The following ST7 variants were observed in gnomAD, a reference collection of about 807,000 sequenced individuals.
ST7 encodes the protein suppression of tumorigenicity 7.
Under a neutral mutation model 78.7 loss-of-function variants are expected in ST7, and 28 were observed. The ratio of observed to expected loss-of-function variants is 0.36; its 90% CI spans 0.26 to 0.49. The LOEUF (loss-of-function observed/expected upper bound fraction) is 0.49, where lower values mean the gene tolerates loss of function less well. ST7 is among the 20% of genes least tolerant of loss of function. The pLI is 0.99. For synonymous variants in ST7, 247 were observed against 249.6 expected (o/e 0.99, Z 0.10); for missense variants, 418 against 696.0 (o/e 0.60, Z 4.49).
chr7:117,130,352 A>G, intron 4 of ST7, 139 bp from the exon 5 acceptor site: 1 of 505,192 alleles, frequency 2.0e-6, no homozygotes. Context: ...ATGATTTTTA[A>G]AAATTTTTTT....
chr7:117,170,041 C>T (rs1807874286), intron 9 of ST7, among the ~76,000 whole-genome samples: 1 of 152,098 alleles, frequency 6.6e-6, no homozygotes, highest in South Asian at 2.1e-4. Flanking sequence ...TATTTTTCTA[C>T]TTTTTCTCCT....
At chr7:116,966,296 G>A (rs1304863353) in intron 1 of ST7, among the ~76,000 whole-genome samples, 1 of 146,500 alleles carries the variant, frequency 6.8e-6, no homozygotes, top group East Asian at 2.0e-4. Context: ...TGTCACCAGG[G>A]CTGGAGTGCA....
intron 9 of ST7, among the ~76,000 whole-genome samples, chr7:117,138,842 A>G (rs552470045): frequency 4.7e-4 from 72 of 152,344 alleles, no homozygotes; most frequent in South Asian, 3.7e-3. Context: ...AGTGGCTGGC[A>G]TATTTTAAAA....
At chr7:117,211,939 A>G (rs1431847686) in intron 13 of ST7, among the ~76,000 whole-genome samples, 3 of 152,210 alleles carry the variant, frequency 2.0e-5, no homozygotes, top group Non-Finnish European at 4.4e-5. Context: ...TTTCAGGCAT[A>G]ACACAGTATG....
intron 2 of ST7, chr7:117,112,176 A>G (rs915922038): frequency 5.3e-5 from 8 of 152,170 alleles, no homozygotes; most frequent in African/African-American, 1.9e-4. Context: ...GTCAGAATCA[A>G]GAACAGGAAA....
At chr7:116,970,409 C>T (rs975489036) in intron 1 of ST7, among the ~76,000 whole-genome samples, 1 of 152,154 alleles carries the variant, frequency 6.6e-6, no homozygotes, top group Non-Finnish European at 1.5e-5. Context: ...ACATTTATTA[C>T]GTACAGTTCT....
chr7:117,009,980 C>A (rs1795323442), intron 1 of ST7, among the ~76,000 whole-genome samples: 2 of 152,212 alleles, frequency 1.3e-5, no homozygotes, highest in South Asian at 4.2e-4. Context: ...TGTTGTGTAT[C>A]CAGAAAGAGC....
chr7:117,137,687 G>A (rs959577658), intron 8 of ST7, among the ~76,000 whole-genome samples: 2 of 152,008 alleles, frequency 1.3e-5, no homozygotes, highest in African/African-American at 2.4e-5. Flanking sequence ...TCTATAACAG[G>A]TGTGTCATAT....
At chr7:117,050,431 A>T (rs541488138) in intron 1 of ST7, among the ~76,000 whole-genome samples, 1 of 152,318 alleles carries the variant, frequency 6.6e-6, no homozygotes, top group African/African-American at 2.4e-5. Flanking sequence ...AGTTAATTTT[A>T]TACAGTTCTG....
chr7:117,152,942 TA>T (rs1806406827), intron 9 of ST7, among the ~76,000 whole-genome samples: 1 of 152,206 alleles, frequency 6.6e-6, no homozygotes. Flanking sequence ...CCTTGCCTTC[TA>T]TTTTTCGGTA....
chr7:117,192,023 G>A (rs1388018398), intron 12 of ST7, among the ~76,000 whole-genome samples: 2 of 152,094 alleles, frequency 1.3e-5, no homozygotes, highest in Non-Finnish European at 2.9e-5. Context: ...TTGAAGAGTG[G>A]TTCACTATGC....
intron 13 of ST7, among the ~76,000 whole-genome samples, chr7:117,214,725 C>T (rs146239002): frequency 0.01 from 1,550 of 152,064 alleles, 17 homozygotes; most frequent in East Asian, 0.017. Flanking sequence ...TATTCCGTCT[C>T]GGTGAATGGC....
chr7:117,104,297 G>A (rs565365019), intron 2 of ST7, among the ~76,000 whole-genome samples: 166 of 152,216 alleles, frequency 1.1e-3, no homozygotes, highest in African/African-American at 2.9e-3. Context: ...AAAATTAGCC[G>A]GGTGTGGTGG....
intron 9 of ST7, among the ~76,000 whole-genome samples, chr7:117,147,404 G>A (rs748604342): frequency 8.6e-5 from 13 of 151,988 alleles, no homozygotes; most frequent in African/African-American, 2.7e-4. Flanking sequence ...AAATTCTTAC[G>A]AGCAATACCT....
At chr7:117,168,612 T>C (rs918732895) in intron 9 of ST7, among the ~76,000 whole-genome samples, 4 of 152,228 alleles carry the variant, frequency 2.6e-5, no homozygotes, top group African/African-American at 9.6e-5. Context: ...ATAGTCTTAT[T>C]CACCTCCTTT....
rs75111808 is a variant in ST7, at chr7:117,226,143, A to G, written c.1639-3619A>G. Reference sequence around the variant, plus strand: ...TGATATTGATTACCGTGAAATGTCAATTGTCTGATTGCAGTAGGGCACCTG... The same window carrying G: ...TGATATTGATTACCGTGAAATGTCAGTTGTCTGATTGCAGTAGGGCACCTG... On this transcript the variant is annotated intron_variant, in intron 15 of 15. Coordinates refer to ENST00000323984, the MANE Select transcript of ST7 (RefSeq NM_001369598.1). Among the ~76,000 whole-genome samples, 546 of 152,244 alleles carry G rather than the reference A, an allele frequency of 3.6e-3. 6 individuals are homozygous for G. The highest frequency in any genetic ancestry group is 0.012 in the African/African-American group (513 of 41,556).
In ST7 at chr7:117,189,573, T is replaced by G. The variant is rs111932369; in HGVS notation, c.1151+180T>G. On this transcript the variant is annotated intron_variant, in intron 11 of 15. Coordinates refer to ENST00000323984, the MANE Select transcript of ST7 (RefSeq NM_001369598.1). Reference sequence around the variant, plus strand: ...GAAGGAGGGAATGTATATCCTCAGGTAATGTAAGGGTGTGTAAAGGTATCC... The same window carrying G: ...GAAGGAGGGAATGTATATCCTCAGGGAATGTAAGGGTGTGTAAAGGTATCC... Among the ~76,000 whole-genome samples the G allele has an allele frequency of 1.8e-3, 272 of 152,326 alleles. 1 individual carries two copies. The highest frequency in any genetic ancestry group is 4.2e-3 in the African/African-American group (176 of 41,570).
intron 9 of ST7, among the ~76,000 whole-genome samples, chr7:117,170,016 G>A (rs772608653): frequency 2.6e-5 from 4 of 151,846 alleles, no homozygotes; most frequent in East Asian, 1.9e-4. Flanking sequence ...CTTTTAACCC[G>A]TGTCACTTTC....
intron 1 of ST7, among the ~76,000 whole-genome samples, chr7:117,099,537 T>C (rs953739704): frequency 3.9e-5 from 6 of 152,222 alleles, no homozygotes; most frequent in African/African-American, 1.4e-4. Flanking sequence ...ACAAGTACTC[T>C]ATTTTCTTGT....
Sources: gnomAD v4.1 joint callset for allele counts (sites outside exome capture counted in the v4.1 genomes callset) on GRCh38, gnomAD v4.1.1 for gene constraint, MANE v1.5 for transcripts, NCBI Gene and HGNC (gene_info 2026-07-23, HGNC 2026-07-21) for gene names.